CSNK1A1: variants seen among roughly 807,000 people sequenced by gnomAD.
CSNK1A1 encodes casein kinase 1 alpha 1, also known as casein kinase I isoform alpha.
A neutral mutation model predicts 46.1 loss-of-function variants in CSNK1A1; 7 were observed. That is an observed-to-expected ratio of 0.15 (90% confidence interval 0.09 to 0.29). The LOEUF (loss-of-function observed/expected upper bound fraction) is 0.29. Among genes scored for constraint, CSNK1A1 ranks in the 10% least tolerant of loss-of-function variants. The probability of loss-of-function intolerance (pLI) is 1.00; values close to 1 mark genes in which losing one functional copy is unlikely to be tolerated. For synonymous variants in CSNK1A1, 137 were observed against 141.5 expected, an observed-to-expected ratio of 0.97 and a Z score of 0.23; for missense variants, 96 against 417.1, an observed-to-expected ratio of 0.23 and a Z score of 6.71.
chr5:149,531,876 T>C (rs1429661532), intron 2 of CSNK1A1, among the ~76,000 whole-genome samples: 1 of 151,284 alleles, frequency 6.6e-6, no homozygotes, highest in Non-Finnish European at 1.5e-5. Context: ...GTAATATACA[T>C]ACTCTCCTTA....
intron 2 of CSNK1A1, among the ~76,000 whole-genome samples, chr5:149,527,112 C>G (rs956847655): frequency 6.7e-6 from 1 of 150,314 alleles, no homozygotes; most frequent in Non-Finnish European, 1.5e-5. Context: ...AATGTGTCAA[C>G]GTGACAGCAA....
At chr5:149,518,806 G>A (rs565953091) in intron 4 of CSNK1A1, among the ~76,000 whole-genome samples, 1 of 151,896 alleles carries the variant, frequency 6.6e-6, no homozygotes, top group East Asian at 1.9e-4. Flanking sequence ...TGTGGGGGAG[G>A]GGGGGAAGGC....
intron 6 of CSNK1A1, 139 bp from the exon 7 acceptor site, chr5:149,510,092 T>C: frequency 3.6e-6 from 2 of 550,120 alleles, no homozygotes; most frequent in East Asian, 3.4e-5. Flanking sequence ...AATCAAAGTA[T>C]AATACATCTA....
intron 2 of CSNK1A1, among the ~76,000 whole-genome samples, chr5:149,533,287 G>T (rs1467322506): frequency 7.0e-6 from 1 of 143,422 alleles, no homozygotes; most frequent in Non-Finnish European, 1.5e-5. Context: ...GTGGGGAAGG[G>T]TGATAAACAC....
At chr5:149,545,227 TA>T (rs1762438754) in intron 2 of CSNK1A1, among the ~76,000 whole-genome samples, 1 of 152,122 alleles carries the variant, frequency 6.6e-6, no homozygotes. Context: ...AGCTCTCACA[TA>T]TTAATTGACA....
Position 149,551,099 on chromosome 5 carries a change from G to A in CSNK1A1, c.-135C>T, listed in dbSNP as rs1762645355. The A allele has an allele frequency of 1.8e-5, 17 of 929,038 alleles. No homozygotes were observed. In the South Asian group the frequency reaches 2.0e-4, roughly 11 times the overall value. 57.5% of individuals were successfully genotyped at this position (929,038 alleles called of 1,614,324 possible). A position where few individuals can be genotyped will look rare whatever the true frequency, so the allele number is the denominator to read the frequency against. ...ACGGAACACGGAGGCCTTTACCGGGGTTCGGGGCCCAGAATCAGCAGAGGG... is the reference window on the plus strand; with the variant it reads ...ACGGAACACGGAGGCCTTTACCGGGATTCGGGGCCCAGAATCAGCAGAGGG... On this transcript the variant is annotated 5_prime_UTR_variant, in exon 1 of 10. Coordinates refer to ENST00000377843, the MANE Select transcript of CSNK1A1 (RefSeq NM_001892.6).
intron 7 of CSNK1A1, among the ~76,000 whole-genome samples, chr5:149,507,635 G>C (rs907638358): frequency 2.0e-5 from 3 of 151,866 alleles, no homozygotes; most frequent in Admixed American, 1.3e-4. Context: ...CTAATTTTTT[G>C]TATTTTTTAG....
rs1761449523 is a variant in CSNK1A1 at position 149,517,960 on chromosome 5, A to C, written c.456+2330T>G. ...TGGCCGGCGCAGACAGGCAACACCG[A>C]GGCATTAGAGAAAGAACAGGGTAGC... On this transcript the variant is annotated intron_variant, in intron 4 of 9. Coordinates refer to ENST00000377843, the MANE Select transcript of CSNK1A1 (RefSeq NM_001892.6). The surrounding 1 kb of genome is among the most constrained non-coding windows in gnomAD (Gnocchi z 4.4). 1 of 825,002 alleles carries C rather than the reference A, an allele frequency of 1.2e-6. No individual in the cohort carries two copies. The highest frequency in any genetic ancestry group is 2.1e-5 in the Admixed American group (1 of 47,888). The allele number at this position is 825,002 out of a possible 1,614,324, so 51.1% of individuals were successfully genotyped here. A position where few individuals can be genotyped will look rare whatever the true frequency, so the allele number is the denominator to read the frequency against.
intron 9 of CSNK1A1, chr5:149,503,106 A>G (rs1760924159): frequency 2.0e-6 from 2 of 985,330 alleles, no homozygotes. Flanking sequence ...GTGGACCTTA[A>G]GAGACTATGC....
intron 2 of CSNK1A1, among the ~76,000 whole-genome samples, chr5:149,541,325 G>T: frequency 6.6e-6 from 1 of 151,604 alleles, no homozygotes; most frequent in Admixed American, 6.6e-5. Flanking sequence ...GCTAATTTTT[G>T]TATTTTTAGT....
At chr5:149,503,803 A>C (rs1760946995) in intron 9 of CSNK1A1, 2 of 985,276 alleles carry the variant, frequency 2.0e-6, no homozygotes, top group Non-Finnish European at 2.4e-6. Context: ...TCTTTCTGAA[A>C]TCTGCTGAAT....
intron 2 of CSNK1A1, among the ~76,000 whole-genome samples, chr5:149,534,509 G>A (rs1353735518): frequency 4.4e-4 from 52 of 119,052 alleles, no homozygotes; most frequent in African/African-American, 1.4e-3. Context: ...AAAAAAAAAA[G>A]AAGGCTTCCT....
rs1580813167 is a variant in CSNK1A1, at chr5:149,497,561, T to C, written c.1007-701A>G. The C allele has an allele frequency of 7.1e-6, 7 of 985,388 alleles. No individual in the cohort carries two copies. The South Asian group carries it at 1.4e-4, about 20-fold the overall frequency. 61.0% of individuals were successfully genotyped at this position (985,388 alleles called of 1,614,324 possible). A position where few individuals can be genotyped will look rare whatever the true frequency, so the allele number is the denominator to read the frequency against. ...CCTCTACATAGGCCCTAGGCCAAGT[T>C]TGAATACAAGAAGCCTCAGGTCATA... is the stretch of plus-strand genomic sequence containing the variant. On this transcript the variant is annotated intron_variant, in intron 9 of 9. Coordinates refer to ENST00000377843, the MANE Select transcript of CSNK1A1 (RefSeq NM_001892.6).
chr5:149,538,883 T>C (rs978070981), intron 2 of CSNK1A1, among the ~76,000 whole-genome samples: 1 of 150,690 alleles, frequency 6.6e-6, no homozygotes, highest in Non-Finnish European at 1.5e-5. Flanking sequence ...GATTGTGCCA[T>C]TGCACTCCAG....
intron 2 of CSNK1A1, among the ~76,000 whole-genome samples, chr5:149,538,013 A>ATTTT: frequency 9.1e-6 from 1 of 110,004 alleles, no homozygotes; most frequent in Non-Finnish European, 1.9e-5. Context: ...AAGTGTGCCC[A>ATTTT]GTTTTTTTTT....
chr5:149,543,029 C>A (rs1048385072), intron 2 of CSNK1A1, among the ~76,000 whole-genome samples: 2 of 151,954 alleles, frequency 1.3e-5, no homozygotes, highest in African/African-American at 4.8e-5. Flanking sequence ...TTTTATCCTG[C>A]AATCCACAGA....
At chr5:149,512,255 A>G (rs1262874324) in intron 5 of CSNK1A1, among the ~76,000 whole-genome samples, 3 of 152,138 alleles carry the variant, frequency 2.0e-5, no homozygotes, top group African/African-American at 7.2e-5. Context: ...CTAATTGAAC[A>G]TCTATATGAA....
intron 9 of CSNK1A1, chr5:149,501,025 T>C (rs761361960): frequency 1.0e-5 from 10 of 985,278 alleles, no homozygotes; most frequent in East Asian, 1.1e-4. Flanking sequence ...CTGTTTATAA[T>C]TGATTCTTTC....
chr5:149,536,209 T>G (rs1046796220), intron 2 of CSNK1A1, among the ~76,000 whole-genome samples: 3 of 152,280 alleles, frequency 2.0e-5, no homozygotes, highest in Admixed American at 6.5e-5. Flanking sequence ...CACCTCGGCC[T>G]CCCAAAGTGC....
Sources: allele counts gnomAD v4.1 joint callset (sites outside exome capture counted in the v4.1 genomes callset), GRCh38; gene constraint gnomAD v4.1.1; non-coding constraint Gnocchi (gnomAD v3.1); transcripts MANE v1.5; gene names NCBI Gene and HGNC (gene_info 2026-07-23, HGNC 2026-07-21).